RNF152: variants seen among roughly 807,000 people sequenced by gnomAD.
RNF152 encodes E3 ubiquitin-protein ligase RNF152.
In RNF152, 11 loss-of-function variants were observed where a neutral mutation model predicts 12.7. That is an observed-to-expected ratio of 0.86 (90% CI 0.54 to 1.43). The LOEUF (loss-of-function observed/expected upper bound fraction) is 1.43. Among genes scored for constraint, RNF152 ranks in the 40% most tolerant of loss-of-function variants. The pLI, the probability that RNF152 is intolerant of heterozygous loss-of-function variation, is 0.00. For synonymous variants in RNF152, 113 were observed against 120.3 expected (o/e 0.94, Z 0.40); for missense variants, 255 against 274.8 (o/e 0.93, Z 0.51).
chr18:61,836,223 T>C (rs983945626), intron 1 of RNF152, among the ~76,000 whole-genome samples: 9 of 151,928 alleles, frequency 5.9e-5, no homozygotes, highest in African/African-American at 1.9e-4. Flanking sequence ...TGTCCTTTTG[T>C]GCCATCACGT....
intron 1 of RNF152, among the ~76,000 whole-genome samples, chr18:61,849,653 C>T (rs889248915): frequency 2.0e-5 from 3 of 152,194 alleles, no homozygotes; most frequent in Non-Finnish European, 4.4e-5. Flanking sequence ...TGGATCTCTC[C>T]TCTACCAATT....
chr18:61,819,946 G>C (rs1318657188), intron 1 of RNF152, among the ~76,000 whole-genome samples: 1 of 150,238 alleles, frequency 6.7e-6, no homozygotes, highest in East Asian at 2.0e-4. Flanking sequence ...ACTTAAACCC[G>C]GGAGGCGGAG....
intron 1 of RNF152, among the ~76,000 whole-genome samples, chr18:61,852,476 T>C (rs759516152): frequency 4.6e-5 from 7 of 152,220 alleles, no homozygotes; most frequent in South Asian, 2.1e-4. Flanking sequence ...CACTGATCTG[T>C]GTATATCATT....
intron 1 of RNF152, among the ~76,000 whole-genome samples, chr18:61,849,178 G>T (rs182813106): frequency 2.0e-5 from 3 of 152,118 alleles, no homozygotes; most frequent in Non-Finnish European, 4.4e-5. Flanking sequence ...ACTGCCCTGC[G>T]GGGGCTTCAC....
At chr18:61,872,380 AG>A in intron 1 of RNF152, among the ~76,000 whole-genome samples, 1 of 152,220 alleles carries the variant, frequency 6.6e-6, no homozygotes, top group Non-Finnish European at 1.5e-5. Context: ...CCAGTCCTAG[AG>A]GTGGAAACTT....
At chr18:61,881,609 G>T (rs1912466920) in intron 1 of RNF152, among the ~76,000 whole-genome samples, 1 of 152,172 alleles carries the variant, frequency 6.6e-6, no homozygotes. Flanking sequence ...GAAGCAACTA[G>T]AACTAGGCTG....
At chr18:61,827,027 G>C (rs1258558259) in intron 1 of RNF152, among the ~76,000 whole-genome samples, 1 of 152,220 alleles carries the variant, frequency 6.6e-6, no homozygotes, top group East Asian at 1.9e-4. Context: ...TTGAAATATG[G>C]ATCTATTATT....
intron 1 of RNF152, among the ~76,000 whole-genome samples, chr18:61,834,545 G>A (rs1910094325): frequency 6.6e-6 from 1 of 152,134 alleles, no homozygotes; most frequent in South Asian, 2.1e-4. Flanking sequence ...ATCTGCCTCG[G>A]CTACAAAGAA....
At chr18:61,816,816 CT>C (rs1909120761) in intron 1 of RNF152, among the ~76,000 whole-genome samples, 1 of 152,134 alleles carries the variant, frequency 6.6e-6, no homozygotes, top group Non-Finnish European at 1.5e-5. Context: ...TAGTTCATTT[CT>C]AAAAAAATGA....
chr18:61,831,683 C>A (rs1909956637), intron 1 of RNF152, among the ~76,000 whole-genome samples: 1 of 64,782 alleles, frequency 1.5e-5, no homozygotes, highest in South Asian at 4.2e-4. Context: ...CAAAGCAGAA[C>A]AAACAAACAA....
intron 1 of RNF152, 39 bp from the exon 2 acceptor site, chr18:61,816,637 C>G: frequency 1.5e-6 from 1 of 666,634 alleles, no homozygotes; most frequent in East Asian, 2.8e-5. Context: ...TTAATTATTT[C>G]AAAGAAGTTG....
At position 61,815,913 on chromosome 18, in the gene RNF152, C is replaced by T; in HGVS notation, c.551G>A (p.Gly184Asp). The change falls in exon 2 of 2, where the codon GGC becomes GAC. Residue 184 changes from glycine (G) to aspartate (D), a missense_variant. Physicochemically the swap from Gly to Asp is moderately conservative, Grantham distance 94 (BLOSUM62 -1). Transcript: ENST00000312828. ...LVACVLVFLL[G>D]IVLHNMSCIS... The stretch of plus-strand genomic sequence containing the variant: ...GCAAGACATGTTGTGAAGCACGATG[C>T]CGAGGAGGAAGACCAAGACGCAAGC... The T allele has an allele frequency of 1.9e-6, 3 of 1,614,198 alleles. 1 individual carries two copies. The South Asian group carries it at 3.3e-5, about 18-fold the overall frequency.
At chr18:61,849,033 A>C (rs1910853297) in intron 1 of RNF152, among the ~76,000 whole-genome samples, 1 of 152,168 alleles carries the variant, frequency 6.6e-6, no homozygotes, top group African/African-American at 2.4e-5. Context: ...GCCTTCGAGC[A>C]TTCCTACTTT....
At chr18:61,891,077 G>C (rs1207435007) in intron 1 of RNF152, among the ~76,000 whole-genome samples, 1 of 152,064 alleles carries the variant, frequency 6.6e-6, no homozygotes, top group Non-Finnish European at 1.5e-5. Context: ...CCAACCCCTT[G>C]AGTCCATTAT....
At chr18:61,866,110 G>A (rs1370596081) in intron 1 of RNF152, among the ~76,000 whole-genome samples, 1 of 152,120 alleles carries the variant, frequency 6.6e-6, no homozygotes, top group African/African-American at 2.4e-5. Flanking sequence ...ACCTCCAAGG[G>A]AATTTGGAGG....
chr18:61,867,335 T>C (rs4075336), intron 1 of RNF152, among the ~76,000 whole-genome samples: 114,472 of 151,778 alleles, frequency 0.75, 43,711 homozygotes, highest in African/African-American at 0.88. Flanking sequence ...TCCTGTAGTC[T>C]CAGCTACTCG....
intron 1 of RNF152, among the ~76,000 whole-genome samples, chr18:61,879,176 C>T (rs756188444): frequency 2.6e-5 from 4 of 152,144 alleles, no homozygotes; most frequent in Non-Finnish European, 4.4e-5. Flanking sequence ...AAATGGTTAC[C>T]TCCACTCCGA....
intron 1 of RNF152, among the ~76,000 whole-genome samples, chr18:61,823,839 T>C (rs549874821): frequency 7.9e-5 from 12 of 152,306 alleles, no homozygotes; most frequent in East Asian, 1.9e-4. Context: ...GTGGGCCCAA[T>C]TGGCCTGGCT....
chr18:61,881,059 G>A (rs551957665), intron 1 of RNF152, among the ~76,000 whole-genome samples: 2 of 151,972 alleles, frequency 1.3e-5, no homozygotes, highest in East Asian at 1.9e-4. Flanking sequence ...GATTACAGGC[G>A]CATGCCACCA....
Sources: gnomAD v4.1 joint callset for allele counts (sites outside exome capture counted in the v4.1 genomes callset) on GRCh38, gnomAD v4.1.1 for gene constraint, MANE v1.5 for transcripts, NCBI Gene and HGNC (gene_info 2026-07-23, HGNC 2026-07-21) for gene names.